SLC22A4: variants seen among roughly 807,000 people sequenced by gnomAD.
The protein encoded by SLC22A4 is ET transporter.
SLC22A4 carries 39 observed loss-of-function variants against 56.6 expected under a neutral mutation model. That is an observed-to-expected ratio of 0.69 (90% confidence interval 0.53 to 0.90). The LOEUF (loss-of-function observed/expected upper bound fraction) is 0.90. SLC22A4 is among the 40% of genes least tolerant of loss of function. The pLI, the probability that SLC22A4 is intolerant of heterozygous loss-of-function variation, is 0.00. For missense variants in SLC22A4, 594 were observed against 696.5 expected (o/e 0.85, Z 1.66); for synonymous variants, 241 against 281.4 (o/e 0.86, Z 1.44).
chr5:132,344,032 TAG>T lies in SLC22A4; in HGVS notation c.*202_*203del, dbSNP rs1751293582. On this transcript the variant is annotated 3_prime_UTR_variant, in exon 10 of 10. Coordinates refer to ENST00000200652, the MANE Select transcript of SLC22A4 (RefSeq NM_003059.3). ...CCTTGCTTTACAAACCAACCATTTC[TAG>T]AGAGTCTCCTTACTCATTAATTCAA... is the stretch of plus-strand genomic sequence containing the variant. 2.6e-5 allele frequency: 15 copies of T among 568,736 alleles called. No individual in the cohort carries two copies. Among genetic ancestry groups the T allele is most frequent in the South Asian group, 1.5e-4 (6 of 40,538 alleles). 35.2% of individuals were successfully genotyped at this position (568,736 alleles called of 1,614,324 possible). A position where few individuals can be genotyped will look rare whatever the true frequency, so the allele number is the denominator to read the frequency against.
intron 1 of SLC22A4, among the ~76,000 whole-genome samples, chr5:132,304,445 C>A (rs1348066046): frequency 6.6e-6 from 1 of 152,248 alleles, no homozygotes; most frequent in South Asian, 2.1e-4. Flanking sequence ...GGGGAAACCC[C>A]ATCTCTACTA....
chr5:132,295,985 T>C (rs774051074), intron 1 of SLC22A4, among the ~76,000 whole-genome samples: 3 of 152,180 alleles, frequency 2.0e-5, no homozygotes, highest in Non-Finnish European at 4.4e-5. Context: ...ATCTGGTGTG[T>C]GGAGCCTACC....
rs913292303 is a variant in SLC22A4, at chr5:132,334,843, T to C, written c.1172T>C (p.Leu391Pro). The change falls in exon 7 of 10, where the codon CTA (leucine) becomes CCA (proline). Residue 391 changes from leucine (L) to proline (P), a missense_variant. Coordinates refer to ENST00000200652, the MANE Select transcript of SLC22A4 (RefSeq NM_003059.3). ...EIPAYITAWL[L>P]LRTLPRRYII... ...CCAGCTTACATTACAGCCTGGCTGC[T>C]ATTGCGAACCCTGCCCAGGCGTTAT... The C allele has an allele frequency of 1.9e-6, 3 of 1,613,876 alleles. No homozygotes were observed. Among genetic ancestry groups the C allele is most frequent in the African/African-American group, 1.3e-5 (1 of 75,050 alleles).
At chr5:132,341,720 G>A (rs575145188) in intron 9 of SLC22A4, among the ~76,000 whole-genome samples, 2 of 152,198 alleles carry the variant, frequency 1.3e-5, no homozygotes, top group South Asian at 4.2e-4. Context: ...GATTGAGGCA[G>A]GCAGATTGCT....
In SLC22A4 at chr5:132,331,753, C is replaced by T. The variant is rs758387534; in HGVS notation, c.952-3C>T. 1.9e-5 allele frequency: 31 copies of T among 1,607,246 alleles called. 1 individual carries two copies. The South Asian group carries it at 3.3e-4, about 17-fold the overall frequency. On this transcript the variant is annotated splice_polypyrimidine_tract_variant and splice_region_variant and intron_variant, in intron 5 of 9. Coordinates refer to ENST00000200652, the MANE Select transcript of SLC22A4 (RefSeq NM_003059.3). ...ATGGTTATTTGCATTATTTTGGTTA[C>T]AGGAGCTAAATCCCCTGAAGCAGCA...
At chr5:132,297,056 G>A (rs752686996) in intron 1 of SLC22A4, among the ~76,000 whole-genome samples, 21 of 152,210 alleles carry the variant, frequency 1.4e-4, no homozygotes, top group Admixed American at 3.3e-4. Flanking sequence ...AGTGGCTCAC[G>A]CCTGTAATCC....
intron 6 of SLC22A4, among the ~76,000 whole-genome samples, chr5:132,333,583 ACT>A (rs1750927348): frequency 6.6e-6 from 1 of 152,106 alleles, no homozygotes; most frequent in South Asian, 2.1e-4. Flanking sequence ...TGAGAGTTCC[ACT>A]CTGGAGCTTC....
chr5:132,326,587 C>A (rs1257635994), intron 4 of SLC22A4, among the ~76,000 whole-genome samples: 2 of 152,162 alleles, frequency 1.3e-5, no homozygotes, highest in African/African-American at 4.8e-5. Context: ...AGAATAGAAG[C>A]CCTATTATTT....
rs181617477 is a variant in SLC22A4, at chr5:132,306,256, G to A, written c.394-5905G>A. Among the ~76,000 whole-genome samples the A allele has an allele frequency of 3.3e-3, 502 of 151,122 alleles. 4 individuals are homozygous for A. The highest frequency in any genetic ancestry group is 0.012 in the African/African-American group (477 of 41,156). ...ATATACCCCAAAGAAATGAAAACAT[G>A]TACACACAAAATGTTGTACATGAAT... On this transcript the variant is annotated intron_variant, in intron 1 of 9. Coordinates refer to ENST00000200652, the MANE Select transcript of SLC22A4 (RefSeq NM_003059.3).
intron 8 of SLC22A4, among the ~76,000 whole-genome samples, chr5:132,337,355 C>G (rs1296999152): frequency 6.7e-6 from 1 of 150,222 alleles, no homozygotes; most frequent in Non-Finnish European, 1.5e-5. Context: ...TCACTGCAGC[C>G]TCAATCCCCC....
chr5:132,340,564 G>A lies in SLC22A4; in HGVS notation c.1445-1G>A, dbSNP rs1187294810. 2 of 1,613,796 alleles carry A rather than the reference G, an allele frequency of 1.2e-6. No individual in the cohort carries two copies. Among genetic ancestry groups the A allele is most frequent in the Non-Finnish European group, 1.7e-6 (2 of 1,179,862 alleles). ...ATGTTCTTATGTCCCGGGCTTTACA[G>A]GTGCTTACAACAGAATGCTGCCCTA... On this transcript the variant is annotated splice_acceptor_variant, in intron 8 of 9. Transcript: ENST00000200652. LOFTEE classifies it high-confidence loss of function.
At chr5:132,340,726 T>C (rs1301057903) in intron 9 of SLC22A4, 26 bp downstream of exon 9, 9 of 1,608,098 alleles carry the variant, frequency 5.6e-6, no homozygotes, top group South Asian at 1.1e-5. Flanking sequence ...AACAAAATGA[T>C]ACCAAAATGC....
chr5:132,295,110 C>T (rs1309131595), intron 1 of SLC22A4, 101 bp downstream of exon 1: 2 of 1,319,610 alleles, frequency 1.5e-6, no homozygotes, highest in Non-Finnish European at 2.1e-6. Context: ...CAGCGCTCCC[C>T]TCCCCCTCAA....
intron 1 of SLC22A4, among the ~76,000 whole-genome samples, chr5:132,300,070 T>C (rs1433843995): frequency 6.6e-6 from 1 of 152,240 alleles, no homozygotes; most frequent in Non-Finnish European, 1.5e-5. Flanking sequence ...TTCCTTATCT[T>C]TCATGATCTT....
intron 8 of SLC22A4, among the ~76,000 whole-genome samples, chr5:132,336,475 G>T (rs1751030043): frequency 6.6e-6 from 1 of 152,170 alleles, no homozygotes; most frequent in Admixed American, 6.5e-5. Flanking sequence ...AGTGAGTCAA[G>T]ATTGCACCAC....
At chr5:132,337,361 C>T (rs1166418931) in intron 8 of SLC22A4, among the ~76,000 whole-genome samples, 1 of 150,070 alleles carries the variant, frequency 6.7e-6, no homozygotes, top group Admixed American at 6.6e-5. Flanking sequence ...CAGCCTCAAT[C>T]CCCCAGGCTC....
At chr5:132,305,948 T>C (rs1750017807) in intron 1 of SLC22A4, among the ~76,000 whole-genome samples, 1 of 152,216 alleles carries the variant, frequency 6.6e-6, no homozygotes, top group African/African-American at 2.4e-5. Context: ...AGTATGGCAG[T>C]GCTCTCCAAA....
chr5:132,326,192 T>C (rs770564314), intron 4 of SLC22A4, among the ~76,000 whole-genome samples: 1 of 152,228 alleles, frequency 6.6e-6, no homozygotes, highest in Non-Finnish European at 1.5e-5. Flanking sequence ...AGAACCCTCA[T>C]GGGCCAAACC....
chr5:132,333,647 A>C (rs921020185), intron 6 of SLC22A4, among the ~76,000 whole-genome samples: 1 of 152,100 alleles, frequency 6.6e-6, no homozygotes, highest in Non-Finnish European at 1.5e-5. Context: ...AGTGAAGAGG[A>C]GGTTAAAAGG....
Sources: gnomAD v4.1 joint callset for allele counts (sites outside exome capture counted in the v4.1 genomes callset) on GRCh38, gnomAD v4.1.1 for gene constraint, MANE v1.5 for transcripts, NCBI Gene and HGNC (gene_info 2026-07-23, HGNC 2026-07-21) for gene names.